TSPAN11: variants seen among roughly 807,000 people sequenced by gnomAD.
TSPAN11 encodes tetraspanin-11.
Under a neutral mutation model 32.9 loss-of-function variants are expected in TSPAN11, and 29 were observed. That is an observed-to-expected ratio of 0.88 (90% CI 0.66 to 1.20). TSPAN11 has a LOEUF of 1.20. Ranked by LOEUF, TSPAN11 falls within the 50% of genes most tolerant of loss-of-function variation. TSPAN11 has a pLI of 0.00. For missense variants in TSPAN11, 283 were observed against 329.1 expected (o/e 0.86, Z 1.08); for synonymous variants, 140 against 141.3 (o/e 0.99, Z 0.07).
intron 1 of TSPAN11, among the ~76,000 whole-genome samples, chr12:30,931,673 A>T (rs1351244941): frequency 6.6e-6 from 1 of 152,054 alleles, no homozygotes; most frequent in Non-Finnish European, 1.5e-5. Flanking sequence ...TGAGGTCAGG[A>T]GTTCAAGACC....
intron 3 of TSPAN11, among the ~76,000 whole-genome samples, chr12:30,970,506 G>C (rs1938826145): frequency 6.6e-6 from 1 of 152,144 alleles, no homozygotes; most frequent in African/African-American, 2.4e-5. Flanking sequence ...TAGAAGACTT[G>C]CTGCCTCCCC....
At chr12:30,941,678 G>A (rs551467626) in intron 1 of TSPAN11, among the ~76,000 whole-genome samples, 1 of 152,330 alleles carries the variant, frequency 6.6e-6, no homozygotes, top group African/African-American at 2.4e-5. Context: ...CACCAAGACA[G>A]CTGTCACCTT....
At chr12:30,973,878 C>T (rs533232050) in intron 3 of TSPAN11, among the ~76,000 whole-genome samples, 8 of 152,298 alleles carry the variant, frequency 5.3e-5, no homozygotes, top group East Asian at 3.9e-4. Context: ...AACCTTATGG[C>T]GTCACACCCC....
chr12:30,967,782 A>C (rs1049117757), intron 3 of TSPAN11, among the ~76,000 whole-genome samples: 2 of 98,812 alleles, frequency 2.0e-5, no homozygotes, highest in Non-Finnish European at 4.5e-5. Flanking sequence ...GCGCTAGCAA[A>C]CAGCAAACTC....
chr12:30,998,920 G>A (rs1279323646), downstream of TSPAN11: 1 of 152,210 alleles, frequency 6.6e-6, no homozygotes, highest in Non-Finnish European at 1.5e-5. Flanking sequence ...GTCATTTTAG[G>A]AACTGGGGTC....
At chr12:30,969,163 G>C (rs1021710272) in intron 3 of TSPAN11, among the ~76,000 whole-genome samples, 1 of 152,304 alleles carries the variant, frequency 6.6e-6, no homozygotes, top group African/African-American at 2.4e-5. Flanking sequence ...TGGCTCCCAG[G>C]GCCCTGCAGC....
rs892570042 is a variant in TSPAN11, at chr12:30,935,383, T to G, written c.-12+8587T>G. ...GCCAATGCTTTGTGGGTTTTTTTTT[T>G]TTTTTTTTTTTTTTTTGGAGATGGA... On this transcript the variant is annotated intron_variant, in intron 1 of 7. Coordinates refer to ENST00000546076, the MANE Select transcript of TSPAN11 (RefSeq NM_001370302.1). Among the ~76,000 whole-genome samples, 333 of 147,176 alleles carry G rather than the reference T, an allele frequency of 2.3e-3. 13 individuals carry two copies. The highest frequency in any genetic ancestry group is 5.4e-3 in the African/African-American group (214 of 39,728).
intron 3 of TSPAN11, among the ~76,000 whole-genome samples, chr12:30,968,715 G>T (rs1433807252): frequency 6.6e-6 from 1 of 152,132 alleles, no homozygotes; most frequent in Non-Finnish European, 1.5e-5. Context: ...GTCTTTATTG[G>T]GAGTTCTTTT....
the TSPAN11 span, chr12:31,005,803 A>G: frequency 5.1e-6 from 1 of 196,804 alleles, no homozygotes; most frequent in South Asian, 1.1e-4. Flanking sequence ...TTACCAGTCC[A>G]GTGGATGTGC....
At chr12:30,937,890 A>C (rs1331080665) in intron 1 of TSPAN11, among the ~76,000 whole-genome samples, 2 of 152,232 alleles carry the variant, frequency 1.3e-5, no homozygotes. Context: ...GTTGAAGCTG[A>C]TTTCAGACAC....
In TSPAN11 at chr12:30,994,912, G is replaced by T. The variant is rs1016154550; in HGVS notation, c.*2997G>T. The T allele has an allele frequency of 6.6e-6, 1 of 152,226 alleles. No homozygotes were observed. Among genetic ancestry groups the T allele is most frequent in the African/African-American group, 2.4e-5 (1 of 41,432 alleles). The allele number at this position is 152,226 out of a possible 1,614,324, so 9.4% of individuals were successfully genotyped here. A position where few individuals can be genotyped will look rare whatever the true frequency, so the allele number is the denominator to read the frequency against. ...AGCTGGGGAGAAGGAAGAAAACTGG[G>T]CCGGGAACCCCTCCCCTCAGTGTCC... On this transcript the variant is annotated 3_prime_UTR_variant, in exon 8 of 8. Coordinates refer to ENST00000546076, the MANE Select transcript of TSPAN11 (RefSeq NM_001370302.1).
chr12:30,985,164 A>G (rs1939176542), intron 7 of TSPAN11, among the ~76,000 whole-genome samples: 2 of 152,122 alleles, frequency 1.3e-5, no homozygotes, highest in South Asian at 2.1e-4. Flanking sequence ...AGGGACCCCC[A>G]TCTTGGTTCT....
chr12:30,957,813 TTCCC>T (rs1938526261), intron 2 of TSPAN11, among the ~76,000 whole-genome samples: 1 of 16,174 alleles, frequency 6.2e-5, no homozygotes, highest in Non-Finnish European at 1.2e-4. Flanking sequence ...CCTTCCTTCC[TTCCC>T]TCCTTCCCTC....
the TSPAN11 span, among the ~76,000 whole-genome samples, chr12:31,013,590 A>AAACAAAAC: frequency 3.4e-5 from 5 of 147,228 alleles, no homozygotes. Context: ...TCCTGTCTCA[A>AAACAAAAC]AAAACAAAAC....
chr12:30,976,346 C>T (rs374448188), intron 3 of TSPAN11, among the ~76,000 whole-genome samples: 6 of 152,192 alleles, frequency 3.9e-5, no homozygotes, highest in African/African-American at 1.4e-4. Context: ...CCAGCCCATG[C>T]AACTCTTGCT....
chr12:30,943,779 A>G (rs185246393), intron 1 of TSPAN11, among the ~76,000 whole-genome samples: 1 of 152,362 alleles, frequency 6.6e-6, no homozygotes. Context: ...ATGGACAGTC[A>G]CAGTGTCCAC....
chr12:30,928,266 A>G, intron 1 of TSPAN11, among the ~76,000 whole-genome samples: 1 of 152,176 alleles, frequency 6.6e-6, no homozygotes, highest in East Asian at 1.9e-4. Context: ...AGCCCAGGAC[A>G]TTTATAACCA....
intron 3 of TSPAN11, among the ~76,000 whole-genome samples, chr12:30,967,064 T>C (rs1938748552): frequency 6.6e-6 from 1 of 152,194 alleles, no homozygotes; most frequent in Non-Finnish European, 1.5e-5. Flanking sequence ...AGTGTAATCA[T>C]AGGAGCGCTT....
At chr12:30,976,938 A>G (rs1313885051) in intron 3 of TSPAN11, among the ~76,000 whole-genome samples, 1 of 152,190 alleles carries the variant, frequency 6.6e-6, no homozygotes, top group Non-Finnish European at 1.5e-5. Flanking sequence ...GTAGGAAAGG[A>G]AGGGGCAGGG....
Sources: gnomAD v4.1 joint callset for allele counts (sites outside exome capture counted in the v4.1 genomes callset) on GRCh38, gnomAD v4.1.1 for gene constraint, MANE v1.5 for transcripts, NCBI Gene and HGNC (gene_info 2026-07-23, HGNC 2026-07-21) for gene names.